Variants in PITPNM2 observed in about 807,000 individuals in gnomAD.
PITPNM2 encodes phosphatidylinositol transfer protein membrane associated 2.
Under a neutral mutation model 132.2 loss-of-function variants are expected in PITPNM2, and 35 were observed. The observed-to-expected ratio is 0.26, with a 90% CI of 0.20 to 0.35. The LOEUF is 0.35. Ranked by LOEUF, PITPNM2 falls within the 10% of genes least tolerant of loss-of-function variation. PITPNM2 has a pLI of 1.00. For missense variants in PITPNM2, 1,332 were observed against 1,912.0 expected (o/e 0.70, Z 5.66); for synonymous variants, 738 against 799.2 (o/e 0.92, Z 1.29).
rs925219458 is a variant in PITPNM2 at position 122,984,040 on chromosome 12, G to A, written c.*1987C>T. On this transcript the variant is annotated 3_prime_UTR_variant, in exon 26 of 26. Coordinates refer to ENST00000320201, the MANE Select transcript of PITPNM2 (RefSeq NM_020845.3). The stretch of plus-strand genomic sequence containing the variant: ...ATACAGAAGAGACTTCCCATGGGGG[G>A]GCAGGCTGCCCACCTTGCCATCTAT... 14 of 152,748 alleles carry A rather than the reference G, an allele frequency of 9.2e-5. No individual in the cohort carries two copies. Among genetic ancestry groups the A allele is most frequent in the Admixed American group, 7.8e-4 (12 of 15,288 alleles). The allele number at this position is 152,748 out of a possible 1,614,324, so 9.5% of individuals were successfully genotyped here.
Position 123,004,661 on chromosome 12 carries a change from C to T in PITPNM2, c.953-172G>A, listed in dbSNP as rs994084424. The T allele has an allele frequency of 2.2e-5, 14 of 644,648 alleles. No homozygotes were observed. Among genetic ancestry groups the T allele is most frequent in the African/African-American group, 7.2e-5 (4 of 55,682 alleles). 39.9% of individuals were successfully genotyped at this position (644,648 alleles called of 1,614,324 possible). A position where few individuals can be genotyped will look rare whatever the true frequency, so the allele number is the denominator to read the frequency against. On this transcript the variant is annotated intron_variant, in intron 7 of 25. Transcript: ENST00000320201. The surrounding 1 kb of genome is among the most constrained non-coding windows in gnomAD (Gnocchi z 4.9). ...ATGAAGTGTGTAAATGAGTGGGGAGCGGCCTAGGCTCATCTCCTGTCCGCC... is the reference window on the plus strand; with the variant it reads ...ATGAAGTGTGTAAATGAGTGGGGAGTGGCCTAGGCTCATCTCCTGTCCGCC...
intron 4 of PITPNM2, among the ~76,000 whole-genome samples, chr12:123,013,030 T>C (rs2039275046): frequency 6.6e-6 from 1 of 152,232 alleles, no homozygotes; most frequent in South Asian, 2.1e-4. Context: ...GGCACAGCTA[T>C]GGCAGCATAC....
chr12:123,069,051 G>A (rs973750978), intron 2 of PITPNM2, among the ~76,000 whole-genome samples: 4 of 152,102 alleles, frequency 2.6e-5, no homozygotes, highest in Admixed American at 2.0e-4. Flanking sequence ...CCAGGAGTTT[G>A]AGACTAGCCT....
At chr12:123,020,928 G>C (rs983488699) in intron 3 of PITPNM2, among the ~76,000 whole-genome samples, 4 of 151,266 alleles carry the variant, frequency 2.6e-5, no homozygotes, top group African/African-American at 4.9e-5. Flanking sequence ...TACTTGGAAG[G>C]CTGAGGCAGG....
Position 123,064,811 on chromosome 12 carries a change from G to GA in PITPNM2, c.-95-30127dup, listed in dbSNP as rs2041360587. On this transcript the variant is annotated intron_variant, in intron 2 of 25. Coordinates refer to ENST00000320201, the MANE Select transcript of PITPNM2 (RefSeq NM_020845.3). The surrounding 1 kb of genome is among the most constrained non-coding windows in gnomAD (Gnocchi z 4.0). ...TCAGATGCAGCAGGACACAGGGAGTGACTAGCTCTGGGGCCAGACCACGTT... is the reference window on the plus strand; with the variant it reads ...TCAGATGCAGCAGGACACAGGGAGTGAACTAGCTCTGGGGCCAGACCACGTT... 6.6e-6 allele frequency among the ~76,000 whole-genome samples: 1 copy of GA among 152,198 alleles called. No individual in the cohort carries two copies. Among genetic ancestry groups the GA allele is most frequent in the Non-Finnish European group, 1.5e-5 (1 of 68,036 alleles).
At chr12:123,026,152 C>T (rs1382017969) in intron 3 of PITPNM2, among the ~76,000 whole-genome samples, 1 of 152,252 alleles carries the variant, frequency 6.6e-6, no homozygotes, top group Non-Finnish European at 1.5e-5. Flanking sequence ...GGACAAGTCA[C>T]TTCTCTTTGG....
Position 123,140,581 on chromosome 12 carries a change from C to G in PITPNM2, c.-200+10172G>C, listed in dbSNP as rs144786252. 2.7e-3 allele frequency among the ~76,000 whole-genome samples: 413 copies of G among 152,240 alleles called. 6 individuals carry two copies. The South Asian group carries it at 0.041, about 15-fold the overall frequency. ...TTTAAAAAAATCCCCTGCCCCACCC[C>G]CTAACAGAAAGGAGGCCATAAACAG... is the stretch of plus-strand genomic sequence containing the variant. On this transcript the variant is annotated intron_variant, in intron 1 of 25. Transcript: ENST00000320201.
At chr12:123,060,347 G>C (rs1481087529) in intron 2 of PITPNM2, among the ~76,000 whole-genome samples, 1 of 152,180 alleles carries the variant, frequency 6.6e-6, no homozygotes, top group Admixed American at 6.5e-5. Context: ...CAGCCCGTCT[G>C]GGTGCCATCA....
At chr12:123,048,432 G>A (rs1351065435) in intron 2 of PITPNM2, among the ~76,000 whole-genome samples, 5 of 150,934 alleles carry the variant, frequency 3.3e-5, no homozygotes, top group Admixed American at 2.0e-4. Context: ...TTGAGACGGA[G>A]TCTCGCTCTG....
chr12:123,090,365 C>T (rs2042224831), intron 2 of PITPNM2: 1 of 152,140 alleles, frequency 6.6e-6, no homozygotes, highest in African/African-American at 2.4e-5. Flanking sequence ...ACAGCAGAAA[C>T]CACATTTTCT....
In PITPNM2 at chr12:123,005,327, T is replaced by G. The variant is rs1284008871; in HGVS notation, c.865A>C (p.Ser289Arg). ...CCCACTAGGGGCTCCCCATTGCTGC[T>G]GCTGGGCTCCGGGGGCTCCCCAGAG... ...QTSGEPPEPS[S>R]SNGEPLVGRG... Residue 289 changes from serine to arginine, a missense_variant, in exon 7 of 26, where the codon AGC becomes CGC. Around this residue, in one of 6 missense-constraint regions of PITPNM2, gnomAD observed 710 missense variants for 911.5 expected, o/e 0.78. Coordinates refer to ENST00000320201, the MANE Select transcript of PITPNM2 (RefSeq NM_020845.3). The surrounding 1 kb of genome is among the most constrained non-coding windows in gnomAD (Gnocchi z 6.2). 6.2e-7 allele frequency: 1 copy of G among 1,614,058 alleles called. No homozygotes were observed. Among genetic ancestry groups the G allele is most frequent in the Non-Finnish European group, 8.5e-7 (1 of 1,179,998 alleles).
chr12:123,080,850 C>A (rs115425012), intron 2 of PITPNM2, among the ~76,000 whole-genome samples: 1 of 152,176 alleles, frequency 6.6e-6, no homozygotes, highest in African/African-American at 2.4e-5. Context: ...ATGATGCTGG[C>A]GCCACCCAAT....
chr12:123,090,775 G>A (rs1311007595), intron 2 of PITPNM2: 3 of 152,264 alleles, frequency 2.0e-5, no homozygotes, highest in Non-Finnish European at 4.4e-5. Context: ...ACTTCACAGG[G>A]GTATGACTAT....
Position 122,986,171 on chromosome 12 carries a change from G to T in PITPNM2, c.3906C>A (p.Ser1302Arg), listed in dbSNP as rs375376140. The change falls in exon 26 of 26, where the codon AGC becomes AGA. Residue 1302 changes from serine (S) to arginine (R), a missense_variant. Physicochemically the swap from Ser to Arg is moderately radical, Grantham distance 110 (BLOSUM62 -1). Coordinates refer to ENST00000320201, the MANE Select transcript of PITPNM2 (RefSeq NM_020845.3). The stretch of plus-strand genomic sequence containing the variant: ...TCCGCTCGTGCCGGTGGCTGGGCCC[G>T]CTGGGCTGGGCCGAGATGGTGCGAA... The part of the protein sequence containing the change: ...HLLRTISAQP[S>R]GPSHRHERTQ... The T allele has an allele frequency of 1.3e-6, 2 of 1,539,354 alleles. No individual in the cohort carries two copies.
rs2038319785 is a variant in PITPNM2 at position 122,994,192 on chromosome 12, G to A, written c.2233+609C>T. Among the ~76,000 whole-genome samples, 1 of 152,204 alleles carries A rather than the reference G, an allele frequency of 6.6e-6. No homozygotes were observed. The highest frequency in any genetic ancestry group is 2.4e-5 in the African/African-American group (1 of 41,448). ...CCGGCCAGCTCTGCATTTTTAACCT[G>A]CACTTGGCAAGCATCTAAACCTCTC... On this transcript the variant is annotated intron_variant, in intron 15 of 25. Transcript: ENST00000320201. This position sits in a 1 kb window ranked among gnomAD's most constrained non-coding sequence, Gnocchi z 5.4.
In PITPNM2 at chr12:122,990,682, G is replaced by A. The variant is rs748003081; in HGVS notation, c.2432C>T (p.Ala811Val). ...GGAGGGGGCGCCATGCTCTTGGAAG[G>A]CTGCATTGTGGGTCTGGAGCACATC... ...LADVLQTHNA[A>V]FQEHGAPSSP... The change falls in exon 17 of 26, where the codon GCC (alanine) becomes GTC (valine). Residue 811 changes from alanine to valine, a missense_variant. Transcript: ENST00000320201. 1 of 1,610,934 alleles carries A rather than the reference G, an allele frequency of 6.2e-7. No homozygotes were observed. Among genetic ancestry groups the A allele is most frequent in the Non-Finnish European group, 8.5e-7 (1 of 1,179,444 alleles).
rs1364916494 is a variant in PITPNM2, at chr12:123,005,306, C to T, written c.886G>A (p.Val296Met). 3 of 1,614,078 alleles carry T rather than the reference C, an allele frequency of 1.9e-6. No homozygotes were observed. The highest frequency in any genetic ancestry group is 2.5e-6 in the Non-Finnish European group (3 of 1,179,998). Residue 296 changes from valine to methionine, a missense_variant, in exon 7 of 26, where the codon GTG becomes ATG. Transcript: ENST00000320201. This position sits in a 1 kb window ranked among gnomAD's most constrained non-coding sequence, Gnocchi z 6.2. The part of the protein sequence containing the change: ...EPSSSNGEPL[V>M]GRGLKKQWST... The stretch of plus-strand genomic sequence containing the variant: ...CACTGTTTCTTGAGGCCGCGCCCCA[C>T]TAGGGGCTCCCCATTGCTGCTGCTG...
At chr12:123,042,154 C>T (rs938167507) in intron 2 of PITPNM2, among the ~76,000 whole-genome samples, 4 of 151,932 alleles carry the variant, frequency 2.6e-5, no homozygotes, top group African/African-American at 9.7e-5. Flanking sequence ...GGCTTCCCAC[C>T]AAGACACAGA....
chr12:123,096,768 G>T (rs965769417), intron 2 of PITPNM2, among the ~76,000 whole-genome samples: 1 of 152,222 alleles, frequency 6.6e-6, no homozygotes, highest in South Asian at 2.1e-4. Context: ...GAGGGATCCA[G>T]GCAGGGCAGA....
Sources: allele counts gnomAD v4.1 joint callset (sites outside exome capture counted in the v4.1 genomes callset), GRCh38; gene constraint gnomAD v4.1.1; regional missense constraint gnomAD v4.1.1; non-coding constraint Gnocchi (gnomAD v3.1); transcripts MANE v1.5; gene names NCBI Gene and HGNC (gene_info 2026-07-23, HGNC 2026-07-21).